NXN: variants seen among roughly 807,000 people sequenced by gnomAD.
NXN encodes the protein nucleoredoxin 1.
In NXN, 16 loss-of-function variants were observed where a neutral mutation model predicts 48.6. The observed-to-expected ratio is 0.33, with a 90% CI of 0.22 to 0.50. The LOEUF is 0.50. Ranked by LOEUF, NXN falls within the 20% of genes least tolerant of loss-of-function variation. The pLI is 0.98. For synonymous variants in NXN, 281 were observed against 269.6 expected, an observed-to-expected ratio of 1.04 and a Z score of -0.41; for missense variants, 492 against 605.5, an observed-to-expected ratio of 0.81 and a Z score of 1.97.
chr17:918,687 G>A (rs1360685776), intron 1 of NXN, among the ~76,000 whole-genome samples: 1 of 151,748 alleles, frequency 6.6e-6, no homozygotes, highest in Non-Finnish European at 1.5e-5. Flanking sequence ...CAGCTACTCA[G>A]GAGGCTGAGG....
At chr17:923,557 G>A (rs1267386971) in intron 1 of NXN, among the ~76,000 whole-genome samples, 1 of 152,066 alleles carries the variant, frequency 6.6e-6, no homozygotes, top group Non-Finnish European at 1.5e-5. Context: ...TAAAATAAAG[G>A]CCATCCCATC....
chr17:870,375 T>C (rs976450047), intron 1 of NXN, among the ~76,000 whole-genome samples: 8 of 152,110 alleles, frequency 5.3e-5, no homozygotes, highest in African/African-American at 1.2e-4. Context: ...TGAGCCTGAA[T>C]TGTCTCACTG....
At chr17:855,273 A>C (rs1481975313) in intron 1 of NXN, among the ~76,000 whole-genome samples, 2 of 152,150 alleles carry the variant, frequency 1.3e-5, no homozygotes, top group South Asian at 2.1e-4. Context: ...GCGAGACGTT[A>C]TCTCAAATAA....
intron 1 of NXN, among the ~76,000 whole-genome samples, chr17:858,571 C>CA (rs1469003856): frequency 2.0e-5 from 3 of 151,492 alleles, no homozygotes; most frequent in Non-Finnish European, 4.4e-5. Context: ...ACTAAAAATA[C>CA]AAAAAAATTA....
chr17:962,337 A>T (rs1009901991), intron 1 of NXN, among the ~76,000 whole-genome samples: 3 of 152,138 alleles, frequency 2.0e-5, no homozygotes, highest in Admixed American at 6.5e-5. Flanking sequence ...ACAACTAGGC[A>T]TATTGCCTAA....
intron 1 of NXN, among the ~76,000 whole-genome samples, chr17:964,342 A>G (rs1189328371): frequency 6.6e-6 from 1 of 152,150 alleles, no homozygotes; most frequent in Non-Finnish European, 1.5e-5. Context: ...AGGATCTCAG[A>G]AAAAATGTCA....
At chr17:970,705 G>A (rs2069365435) in intron 1 of NXN, among the ~76,000 whole-genome samples, 1 of 152,160 alleles carries the variant, frequency 6.6e-6, no homozygotes, top group African/African-American at 2.4e-5. Flanking sequence ...TTGAATTTAA[G>A]GGAGTTCAGC....
At chr17:977,713 C>T (rs1227904150) in intron 1 of NXN, among the ~76,000 whole-genome samples, 3 of 152,194 alleles carry the variant, frequency 2.0e-5, no homozygotes, top group Non-Finnish European at 2.9e-5. Flanking sequence ...AGAAACTTGC[C>T]GTAACAATGA....
At chr17:902,782 C>CT (rs748225079) in intron 1 of NXN, among the ~76,000 whole-genome samples, 3,802 of 138,052 alleles carry the variant, frequency 0.028, 154 homozygotes, top group East Asian at 0.2. Flanking sequence ...GCCCATCATT[C>CT]TTTTTTTTTT....
intron 1 of NXN, among the ~76,000 whole-genome samples, chr17:826,857 G>C (rs187257651): frequency 6.6e-6 from 1 of 152,204 alleles, no homozygotes; most frequent in Non-Finnish European, 1.5e-5. Context: ...CTGTGCACAC[G>C]GTCAGAGGTC....
chr17:823,244 C>T (rs755883411), intron 3 of NXN, among the ~76,000 whole-genome samples: 28 of 152,046 alleles, frequency 1.8e-4, no homozygotes, highest in Non-Finnish European at 3.7e-4. Flanking sequence ...ATTAAAAATA[C>T]AAAAATTAGT....
At position 958,940 on chromosome 17, in the gene NXN, A is replaced by AACACACACAC. The variant is rs552072210; in HGVS notation, c.360+20369_360+20378dup. On this transcript the variant is annotated intron_variant, in intron 1 of 7. Transcript: ENST00000336868. This position sits in a 1 kb window ranked among gnomAD's most constrained non-coding sequence, Gnocchi z 6.9. ...GCCTGAGACTTGTCTTTAAAAAAGA[A>AACACACACAC]ACACACACACACACATACACACACA... The AACACACACAC allele has an allele frequency of 2.2e-3, 360 of 160,016 alleles. 3 individuals carry two copies. Among genetic ancestry groups the AACACACACAC allele is most frequent in the South Asian group, 0.015 (73 of 5,034 alleles). 9.9% of individuals were successfully genotyped at this position (160,016 alleles called of 1,614,324 possible). A position where few individuals can be genotyped will look rare whatever the true frequency, so the allele number is the denominator to read the frequency against.
At chr17:953,244 A>C (rs1476950113) in intron 1 of NXN, among the ~76,000 whole-genome samples, 1 of 152,020 alleles carries the variant, frequency 6.6e-6, no homozygotes, top group Non-Finnish European at 1.5e-5. Flanking sequence ...GTGAAACCCC[A>C]TCTCTACCAA....
At chr17:883,700 A>T (rs1173866961) in intron 1 of NXN, among the ~76,000 whole-genome samples, 1 of 152,216 alleles carries the variant, frequency 6.6e-6, no homozygotes, top group East Asian at 1.9e-4. Flanking sequence ...CATATACAGA[A>T]GCCACGGGGC....
At chr17:971,905 C>T (rs951886674) in intron 1 of NXN, among the ~76,000 whole-genome samples, 2 of 152,148 alleles carry the variant, frequency 1.3e-5, no homozygotes, top group East Asian at 1.9e-4. Flanking sequence ...CCGCAGCTCA[C>T]GCTGTGATCC....
chr17:938,650 C>T (rs192467243), intron 1 of NXN, among the ~76,000 whole-genome samples: 383 of 152,194 alleles, frequency 2.5e-3, no homozygotes, highest in African/African-American at 8.3e-3. Context: ...CGCCACTGCA[C>T]TCCAGCCTGG....
intron 1 of NXN, among the ~76,000 whole-genome samples, chr17:882,279 C>T (rs2068292564): frequency 3.3e-5 from 5 of 152,120 alleles, no homozygotes; most frequent in Admixed American, 3.3e-4. Flanking sequence ...CCATGGTTCC[C>T]TGTCTCCATG....
At chr17:970,429 A>G (rs2069360880) in intron 1 of NXN, among the ~76,000 whole-genome samples, 1 of 152,164 alleles carries the variant, frequency 6.6e-6, no homozygotes, top group Non-Finnish European at 1.5e-5. Flanking sequence ...AACTAAAAAA[A>G]AGCCAAATCA....
At position 919,134 on chromosome 17, in the gene NXN, G is replaced by A. The variant is rs1002957474; in HGVS notation, c.360+60185C>T. Among the ~76,000 whole-genome samples, 2 of 152,064 alleles carry A rather than the reference G, an allele frequency of 1.3e-5. No homozygotes were observed. Among genetic ancestry groups the A allele is most frequent in the African/African-American group, 4.8e-5 (2 of 41,398 alleles). On this transcript the variant is annotated intron_variant, in intron 1 of 7. Coordinates refer to ENST00000336868, the MANE Select transcript of NXN (RefSeq NM_022463.5). The surrounding 1 kb of genome is among the most constrained non-coding windows in gnomAD (Gnocchi z 5.1). The stretch of plus-strand genomic sequence containing the variant: ...TGTAATCCCAGCACTTTGGGAGGCT[G>A]AGGGTGGATCACGAGGTCAGGAGAT...
Sources: gnomAD v4.1 joint callset for allele counts (sites outside exome capture counted in the v4.1 genomes callset) on GRCh38, gnomAD v4.1.1 for gene constraint, Gnocchi (gnomAD v3.1) non-coding constraint, MANE v1.5 for transcripts, NCBI Gene and HGNC (gene_info 2026-07-23, HGNC 2026-07-21) for gene names.